MTA2: variants seen among roughly 807,000 people sequenced by gnomAD.
The protein encoded by MTA2 is metastasis-associated protein MTA2.
Under a neutral mutation model 87.1 loss-of-function variants are expected in MTA2, and 22 were observed. The ratio of observed to expected loss-of-function variants is 0.25; its 90% confidence interval spans 0.18 to 0.36. The LOEUF (loss-of-function observed/expected upper bound fraction) is 0.36. Ranked by LOEUF, MTA2 falls within the 10% of genes least tolerant of loss-of-function variation. The pLI is 1.00. For synonymous variants in MTA2, 314 were observed against 310.1 expected (o/e 1.01, Z -0.13); for missense variants, 542 against 853.2 (o/e 0.64, Z 4.54).
chr11:62,596,206 C>T (rs1942096034), intron 11 of MTA2, 73 bp downstream of exon 11: 3 of 1,592,354 alleles, frequency 1.9e-6, no homozygotes, highest in Non-Finnish European at 2.6e-6. Flanking sequence ...TGCCCACCCC[C>T]AATCACTGAG....
chr11:62,600,588 C>A, intron 2 of MTA2, 34 bp downstream of exon 2: 1 of 1,590,272 alleles, frequency 6.3e-7, no homozygotes, highest in Non-Finnish European at 8.6e-7. Flanking sequence ...GAGACCACTG[C>A]GGGAGGGAGG....
Position 62,600,243 on chromosome 11 carries a change from A to G in MTA2, c.113T>C (p.Val38Ala), listed in dbSNP as rs781239783. Residue 38 changes from valine (V) to alanine (A), a missense_variant, in exon 3 of 18, where the codon GTG becomes GCG. Around this residue, in one of 6 missense-constraint regions of MTA2, gnomAD observed 150 missense variants for 243.9 expected, o/e 0.62. Transcript: ENST00000278823. ...GAAAAGACAGACAACCTTTGCCTCC[A>G]CATTTCCATTTGCAGTCTAAGGGGA... ...EELNKTANGN[V>A]EAKVVCLFRR... The G allele has an allele frequency of 6.2e-7, 1 of 1,614,240 alleles. No individual in the cohort carries two copies. The highest frequency in any genetic ancestry group is 8.5e-7 in the Non-Finnish European group (1 of 1,180,034).
At position 62,601,637 on chromosome 11, in the gene MTA2, G is replaced by A. The variant is rs1187260087; in HGVS notation, c.-187C>T. The A allele has an allele frequency of 6.6e-6, 4 of 609,384 alleles. No homozygotes were observed. The highest frequency in any genetic ancestry group is 8.1e-6 in the Non-Finnish European group (3 of 369,034). 37.7% of individuals were successfully genotyped at this position (609,384 alleles called of 1,614,324 possible). A position where few individuals can be genotyped will look rare whatever the true frequency, so the allele number is the denominator to read the frequency against. On this transcript the variant is annotated 5_prime_UTR_variant, in exon 1 of 18. Transcript: ENST00000278823. ...CATCCCGGCCCGCGCTGTCGCCGCC[G>A]CAGCTATCGCCTCACTCCCGGGACG...
At chr11:62,599,749 G>A (rs1295606260) in intron 3 of MTA2, among the ~76,000 whole-genome samples, 2 of 152,052 alleles carry the variant, frequency 1.3e-5, no homozygotes, top group Admixed American at 1.3e-4. Context: ...CTAACTTCCA[G>A]GTACTCTCAT....
Position 62,596,121 on chromosome 11 carries a change from C to A in MTA2, c.1017-14G>T, listed in dbSNP as rs371448643. ...TTTGGCTTAGTGCTAACGGGGAAGG[C>A]GAGGAGAAGGGAAAAAAACAAGAAA... On this transcript the variant is annotated splice_polypyrimidine_tract_variant and intron_variant, in intron 11 of 17. Transcript: ENST00000278823. 4.5e-5 allele frequency: 72 copies of A among 1,613,202 alleles called. No homozygotes were observed. In the African/African-American group the frequency reaches 4.5e-4, roughly 10 times the overall value.
chr11:62,598,901 C>T (rs768789732), intron 3 of MTA2, among the ~76,000 whole-genome samples: 2 of 152,134 alleles, frequency 1.3e-5, no homozygotes, highest in Non-Finnish European at 2.9e-5. Context: ...CATCGCTACC[C>T]AGCTGCCAGT....
chr11:62,598,403 G>A lies in MTA2; in HGVS notation c.309-13C>T. 6.2e-7 allele frequency: 1 copy of A among 1,613,920 alleles called. No individual in the cohort carries two copies. Among genetic ancestry groups the A allele is most frequent in the Admixed American group, 1.7e-5 (1 of 60,012 alleles). On this transcript the variant is annotated splice_polypyrimidine_tract_variant and intron_variant, in intron 4 of 17. Transcript: ENST00000278823. ...ACTGCATTTCCCCCTATAGGAGAGA[G>A]ATTGGAAAACCCCGGTGAGCCCCAC...
intron 3 of MTA2, chr11:62,599,311 G>C (rs1255279446): frequency 6.6e-6 from 1 of 152,594 alleles, no homozygotes; most frequent in Non-Finnish European, 1.5e-5. Context: ...GAAGGGGGGG[G>C]TTGTGCAGTA....
At position 62,595,887 on chromosome 11, in the gene MTA2, T is replaced by C. The variant is rs1489450210; in HGVS notation, c.1119A>G (p.Thr373=). ...CCCAGGCATACCACTGAGCAGACTGTGTGGCTGTAGAGTACGGAGAGGAGG... is the reference window on the plus strand; with the variant it reads ...CCCAGGCATACCACTGAGCAGACTGCGTGGCTGTAGAGTACGGAGAGGAGG... ...KGLTCESCHT[T]QSAQWYAWGP... is the part of the protein sequence containing the mutation. The change falls in exon 13 of 18, where the codon ACA becomes ACG. Residue 373 remains threonine (T), a synonymous_variant. Transcript: ENST00000278823. The surrounding 1 kb of genome is among the most constrained non-coding windows in gnomAD (Gnocchi z 4.9). The C allele has an allele frequency of 1.2e-6, 2 of 1,614,002 alleles. No individual in the cohort carries two copies. Among genetic ancestry groups the C allele is most frequent in the African/African-American group, 1.3e-5 (1 of 74,894 alleles).
Position 62,596,052 on chromosome 11 carries a change from C to A in MTA2, c.1072G>T (p.Gly358Trp). 6.2e-7 allele frequency: 1 copy of A among 1,614,198 alleles called. No homozygotes were observed. The highest frequency in any genetic ancestry group is 8.5e-7 in the Non-Finnish European group (1 of 1,180,050). The change falls in exon 12 of 18, where the codon GGG becomes TGG. Residue 358 changes from glycine to tryptophan, a missense_variant. Transcript: ENST00000278823. Reference protein sequence around the residue: ...ISVGSKPGMNGAGFQKGLTCE... With the variant: ...ISVGSKPGMNWAGFQKGLTCE... ...GTCAGGCCCTTCTGAAATCCAGCCCCATTCATGCCAGGTTTTGAACCCACA... is the reference window on the plus strand; with the variant it reads ...GTCAGGCCCTTCTGAAATCCAGCCCAATTCATGCCAGGTTTTGAACCCACA...
Position 62,595,996 on chromosome 11 carries a change from C to T in MTA2, c.1114+14G>A. The stretch of plus-strand genomic sequence containing the variant: ...TCCACCCATCCCCACCATCCCAGTG[C>T]CCCCGTAACTCACTGTGGCAACTCT... On this transcript the variant is annotated intron_variant, in intron 12 of 17. Coordinates refer to ENST00000278823, the MANE Select transcript of MTA2 (RefSeq NM_004739.4). This position sits in a 1 kb window ranked among gnomAD's most constrained non-coding sequence, Gnocchi z 4.9. The T allele has an allele frequency of 4.3e-6, 7 of 1,614,038 alleles. No homozygotes were observed. The highest frequency in any genetic ancestry group is 5.9e-6 in the Non-Finnish European group (7 of 1,179,904).
intron 2 of MTA2, 80 bp from the exon 3 acceptor site, chr11:62,600,339 C>T (rs1942162644): frequency 2.4e-6 from 3 of 1,271,244 alleles, no homozygotes; most frequent in African/African-American, 1.5e-5. Context: ...CACAAAGAGA[C>T]AAATAACAGT....
chr11:62,594,889 C>G, intron 15 of MTA2, 92 bp downstream of exon 15: 1 of 1,159,832 alleles, frequency 8.6e-7, no homozygotes, highest in Non-Finnish European at 1.3e-6. Context: ...TCTCTGAGGA[C>G]ACTATGAGGA....
At position 62,595,061 on chromosome 11, in the gene MTA2, C is replaced by T. The variant is rs747989436; in HGVS notation, c.1493G>A (p.Arg498Gln). ...TGGAGTCTTGGCGGCCTTAGGAAGT[C>T]GAATGGAGCCTGGAGAACAAAGAAG... The part of the protein sequence containing the change: ...ANAIKAECSI[R>Q]LPKAAKTPLK... Residue 498 changes from arginine (R) to glutamine (Q), a missense_variant, in exon 15 of 18, where the codon CGA becomes CAA. Transcript: ENST00000278823. This position sits in a 1 kb window ranked among gnomAD's most constrained non-coding sequence, Gnocchi z 4.9. 5 of 1,613,998 alleles carry T rather than the reference C, an allele frequency of 3.1e-6. No individual in the cohort carries two copies. The highest frequency in any genetic ancestry group is 2.2e-5 in the South Asian group (2 of 91,044).
In MTA2 at chr11:62,597,600, C is replaced by CA; in HGVS notation, c.593+9dup. On this transcript the variant is annotated intron_variant, in intron 7 of 17. Transcript: ENST00000278823. ...CCCCAGCCCATCTTCCCTATCCACC[C>CA]ACCCCTCACCGGGCCACCACAAGAA... 1 of 1,613,416 alleles carries CA rather than the reference C, an allele frequency of 6.2e-7. No homozygotes were observed. The highest frequency in any genetic ancestry group is 8.5e-7 in the Non-Finnish European group (1 of 1,179,468).
Position 62,593,823 on chromosome 11 carries a change from C to T in MTA2, c.*52G>A, listed in dbSNP as rs1942057575. ...ACGAAAGGGAAGGGAGGTTTGGGTG[C>T]CCTGGGCATCCACCCTCTACCTCTC... On this transcript the variant is annotated 3_prime_UTR_variant, in exon 18 of 18. Transcript: ENST00000278823. 1 of 1,605,706 alleles carries T rather than the reference C, an allele frequency of 6.2e-7. No homozygotes were observed. The highest frequency in any genetic ancestry group is 1.3e-5 in the African/African-American group (1 of 74,648).
chr11:62,597,258 G>T, intron 8 of MTA2, 58 bp downstream of exon 8: 1 of 1,208,850 alleles, frequency 8.3e-7, no homozygotes, highest in Non-Finnish European at 1.2e-6. Context: ...TCTGTTCCCA[G>T]GCTCTGCAAG....
At chr11:62,596,955 G>C in intron 8 of MTA2, 130 bp from the exon 9 acceptor site, 2 of 853,288 alleles carry the variant, frequency 2.3e-6, no homozygotes, top group Non-Finnish European at 3.5e-6. Flanking sequence ...TTTGGGAAGC[G>C]GAGGCGGGCA....
rs770789437 is a variant in MTA2, at chr11:62,595,307, T to C, written c.1440A>G (p.Arg480=). The C allele has an allele frequency of 1.2e-6, 2 of 1,614,098 alleles. No individual in the cohort carries two copies. The highest frequency in any genetic ancestry group is 2.7e-5 in the African/African-American group (2 of 74,934). The change falls in exon 14 of 18, where the codon CGA becomes CGG. Residue 480 remains arginine, a synonymous_variant. Coordinates refer to ENST00000278823, the MANE Select transcript of MTA2 (RefSeq NM_004739.4). The surrounding 1 kb of genome is among the most constrained non-coding windows in gnomAD (Gnocchi z 4.9). ...RDLLQPRRAA[R]RPYAPINANA... Reference sequence around the variant, plus strand: ...TGGCATTGATAGGAGCATAAGGCCGTCGGGCGGCCCTCCTTGGCTGTAATA... The same window carrying C: ...TGGCATTGATAGGAGCATAAGGCCGCCGGGCGGCCCTCCTTGGCTGTAATA...
Sources: gnomAD v4.1 joint callset for allele counts (sites outside exome capture counted in the v4.1 genomes callset) on GRCh38, gnomAD v4.1.1 for gene constraint, gnomAD v4.1.1 regional missense constraint, Gnocchi (gnomAD v3.1) non-coding constraint, MANE v1.5 for transcripts, NCBI Gene and HGNC (gene_info 2026-07-23, HGNC 2026-07-21) for gene names.